SDK1: variants seen among roughly 807,000 people sequenced by gnomAD.
SDK1 encodes the protein protein sidekick-1.
In SDK1, 157 loss-of-function variants were observed where a neutral mutation model predicts 245.5. That is an observed-to-expected ratio of 0.64 (90% CI 0.56 to 0.73). The LOEUF (loss-of-function observed/expected upper bound fraction) is 0.73. SDK1 is among the 30% of genes least tolerant of loss of function. The pLI is 0.00. For missense variants in SDK1, 3,583 were observed against 3,002.3 expected, an observed-to-expected ratio of 1.19 and a Z score of -4.52; for synonymous variants, 1,647 against 1,278.5, an observed-to-expected ratio of 1.29 and a Z score of -6.15.
intron 5 of SDK1, among the ~76,000 whole-genome samples, chr7:3,869,315 C>A (rs1310494439): frequency 6.6e-6 from 1 of 151,932 alleles, no homozygotes; most frequent in African/African-American, 2.4e-5. Context: ...ATCACCAGGC[C>A]CAGCTAATTT....
At chr7:3,537,519 C>T (rs34360159) in intron 1 of SDK1, among the ~76,000 whole-genome samples, 10,303 of 152,228 alleles carry the variant, frequency 0.068, 449 homozygotes, top group East Asian at 0.2. Flanking sequence ...CCTTATTCCT[C>T]ATATATGGAT....
chr7:3,627,145 T>A (rs1477800400), intron 2 of SDK1, among the ~76,000 whole-genome samples: 1 of 152,064 alleles, frequency 6.6e-6, no homozygotes, highest in Non-Finnish European at 1.5e-5. Flanking sequence ...CCGAGGCTCG[T>A]CTCAAACTCC....
chr7:3,625,548 C>G (rs1006330155), intron 2 of SDK1, among the ~76,000 whole-genome samples: 2 of 152,140 alleles, frequency 1.3e-5, no homozygotes, highest in South Asian at 4.1e-4. Flanking sequence ...GTGCAGGGAT[C>G]CCTTATCAAG....
At chr7:4,244,668 C>T (rs1786732954) in intron 43 of SDK1, among the ~76,000 whole-genome samples, 1 of 152,236 alleles carries the variant, frequency 6.6e-6, no homozygotes, top group Non-Finnish European at 1.5e-5. Flanking sequence ...GGGCACAGCT[C>T]AGCTGGGTCC....
intron 1 of SDK1, among the ~76,000 whole-genome samples, chr7:3,580,258 C>T (rs1371904170): frequency 6.6e-6 from 1 of 152,156 alleles, no homozygotes; most frequent in Non-Finnish European, 1.5e-5. Flanking sequence ...TATCAAACTA[C>T]CCATAACATT....
At chr7:3,376,527 T>C (rs1781360169) in intron 1 of SDK1, among the ~76,000 whole-genome samples, 1 of 152,280 alleles carries the variant, frequency 6.6e-6, no homozygotes, top group Non-Finnish European at 1.5e-5. Context: ...TGAACAGATA[T>C]TAGCCAAGAA....
chr7:3,569,508 C>T (rs984335314), intron 1 of SDK1, among the ~76,000 whole-genome samples: 19 of 152,252 alleles, frequency 1.2e-4, no homozygotes, highest in Non-Finnish European at 2.4e-4. Context: ...CTGCACTTCA[C>T]GGCCCCTCAG....
At chr7:3,492,747 A>G (rs1562520253) in intron 1 of SDK1, among the ~76,000 whole-genome samples, 1 of 152,172 alleles carries the variant, frequency 6.6e-6, no homozygotes, top group Non-Finnish European at 1.5e-5. Flanking sequence ...ATTATTGAAC[A>G]AAGTCCCACC....
chr7:3,486,594 G>A (rs1054476628), intron 1 of SDK1, among the ~76,000 whole-genome samples: 4 of 151,296 alleles, frequency 2.6e-5, no homozygotes, highest in Middle Eastern at 3.4e-3. Flanking sequence ...TATTTTGTGC[G>A]CTTTATTTGT....
At chr7:3,949,437 T>G (rs1159777109) in intron 5 of SDK1, among the ~76,000 whole-genome samples, 1 of 152,168 alleles carries the variant, frequency 6.6e-6, no homozygotes, top group Non-Finnish European at 1.5e-5. Flanking sequence ...CGTTGTTCTC[T>G]CTCCGCGGCC....
At chr7:3,372,487 C>G (rs1001792230) in intron 1 of SDK1, among the ~76,000 whole-genome samples, 1 of 152,180 alleles carries the variant, frequency 6.6e-6, no homozygotes, top group African/African-American at 2.4e-5. Context: ...TCAGAACACG[C>G]CCTATTGCCT....
chr7:4,013,925 G>A (rs1394875139), intron 16 of SDK1, among the ~76,000 whole-genome samples: 2 of 152,216 alleles, frequency 1.3e-5, no homozygotes, highest in African/African-American at 4.8e-5. Flanking sequence ...TTGATCCCCT[G>A]GGACAGTTCC....
At chr7:3,673,891 A>G (rs905968455) in intron 4 of SDK1, among the ~76,000 whole-genome samples, 4 of 152,268 alleles carry the variant, frequency 2.6e-5, no homozygotes, top group African/African-American at 9.6e-5. Context: ...TGAACTGATT[A>G]TAAAGTATTC....
Position 4,077,645 on chromosome 7 carries a change from G to A in SDK1, c.3202+456G>A, listed in dbSNP as rs539230411. Among the ~76,000 whole-genome samples the A allele has an allele frequency of 2.0e-5, 3 of 152,328 alleles. No individual in the cohort carries two copies. The East Asian group carries it at 5.8e-4, about 29-fold the overall frequency. Reference sequence around the variant, plus strand: ...GCCTCACAATCATGGCGGAAGGCAAGGAGGAGCAAGTCATGTATTACATGG... The same window carrying A: ...GCCTCACAATCATGGCGGAAGGCAAAGAGGAGCAAGTCATGTATTACATGG... On this transcript the variant is annotated intron_variant, in intron 21 of 44. Coordinates refer to ENST00000404826, the MANE Select transcript of SDK1 (RefSeq NM_152744.4).
At chr7:4,131,577 A>C (rs1466193708) in intron 27 of SDK1, among the ~76,000 whole-genome samples, 1 of 152,168 alleles carries the variant, frequency 6.6e-6, no homozygotes, top group African/African-American at 2.4e-5. Flanking sequence ...ATTGCCTCTT[A>C]CCTGGGAATC....
intron 25 of SDK1, among the ~76,000 whole-genome samples, chr7:4,117,908 T>C (rs1046085981): frequency 6.6e-6 from 1 of 152,190 alleles, no homozygotes; most frequent in Non-Finnish European, 1.5e-5. Context: ...GGTTTGACTG[T>C]ATGTCTACCT....
intron 15 of SDK1, among the ~76,000 whole-genome samples, chr7:4,011,669 G>A (rs1172808866): frequency 6.6e-6 from 1 of 152,234 alleles, no homozygotes; most frequent in Non-Finnish European, 1.5e-5. Flanking sequence ...CAGTGGGCTT[G>A]ACTTGTAGAA....
intron 5 of SDK1, among the ~76,000 whole-genome samples, chr7:3,945,899 T>TAAAAA (rs754101246): frequency 0.029 from 401 of 13,670 alleles, 118 homozygotes; most frequent in Non-Finnish European, 0.044. Context: ...ACTCTGTCTG[T>TAAAAA]AAAAAAAAAA....
chr7:4,039,419 TA>T (rs1166290532), intron 17 of SDK1, among the ~76,000 whole-genome samples: 2 of 152,148 alleles, frequency 1.3e-5, no homozygotes, highest in Admixed American at 1.3e-4. Flanking sequence ...TATAAAAGTA[TA>T]TAAAGTGGCC....
Sources: allele counts gnomAD v4.1 joint callset (sites outside exome capture counted in the v4.1 genomes callset), GRCh38; gene constraint gnomAD v4.1.1; transcripts MANE v1.5; gene names NCBI Gene and HGNC (gene_info 2026-07-23, HGNC 2026-07-21).